Variants in RPL36AL observed in about 807,000 individuals in gnomAD.
RPL36AL encodes the protein ribosomal protein L36a like.
Under a neutral mutation model 7.9 loss-of-function variants are expected in RPL36AL, and 8 were observed. The observed-to-expected ratio is 1.02, with a 90% CI of 0.60 to 1.84. The LOEUF (loss-of-function observed/expected upper bound fraction) is 1.84, where lower values mean the gene tolerates loss of function less well. Among genes scored for constraint, RPL36AL ranks in the 40% most tolerant of loss-of-function variants. RPL36AL has a pLI of 0.00. For synonymous variants in RPL36AL, 44 were observed against 44.8 expected (o/e 0.98, Z 0.07); for missense variants, 76 against 126.8 (o/e 0.60, Z 1.93).
chr14:49,619,198 TGC>T (rs1177900123), intron 1 of RPL36AL, 58 bp from the exon 2 acceptor site: 7 of 1,159,966 alleles, frequency 6.0e-6, no homozygotes, highest in Non-Finnish European at 8.6e-6. Flanking sequence ...AAAGTGAAAG[TGC>T]TATACAAGTA....
chr14:49,618,642 C>T lies in RPL36AL; in HGVS notation c.*142G>A, dbSNP rs1438512326. ...CTTGTTAGTAAAGTTTGAGGTGGGA[C>T]TACACTAAACATGGAATTCTATTTA... On this transcript the variant is annotated 3_prime_UTR_variant, in exon 2 of 2. Transcript: ENST00000298289. 9.3e-6 allele frequency: 6 copies of T among 648,456 alleles called. No individual in the cohort carries two copies. In the African/African-American group the frequency reaches 1.1e-4, roughly 12 times the overall value. The allele number at this position is 648,456 out of a possible 1,614,324, so 40.2% of individuals were successfully genotyped here.
At position 49,618,566 on chromosome 14, in the gene RPL36AL, C is replaced by T. The variant is rs1238029524; in HGVS notation, c.*218G>A. The T allele has an allele frequency of 1.9e-6, 1 of 537,522 alleles. No individual in the cohort carries two copies. The highest frequency in any genetic ancestry group is 3.3e-6 in the Non-Finnish European group (1 of 304,046). The allele number at this position is 537,522 out of a possible 1,614,324, so 33.3% of individuals were successfully genotyped here. A position where few individuals can be genotyped will look rare whatever the true frequency, so the allele number is the denominator to read the frequency against. On this transcript the variant is annotated 3_prime_UTR_variant, in exon 2 of 2. Coordinates refer to ENST00000298289, the MANE Select transcript of RPL36AL (RefSeq NM_001001.5). ...GAATTCATTCAACATTTGAAATTGA[C>T]CAGAAAACAAAAAGTAGTAAAGTAG...
At position 49,618,785 on chromosome 14, in the gene RPL36AL, T is replaced by C; in HGVS notation, c.320A>G (p.Ter107=). The C allele has an allele frequency of 6.2e-7, 1 of 1,609,798 alleles. No homozygotes were observed. The highest frequency in any genetic ancestry group is 8.5e-7 in the Non-Finnish European group (1 of 1,178,550). ...KKRKGQVIQF[*] The stretch of plus-strand genomic sequence containing the variant: ...AATTGAAGAAAAATATCCCAAAGTT[T>C]AGAACTGGATCACTTGGCCCTTTCT... The change falls in exon 2 of 2, where the codon TAA becomes TGA. Residue 107 remains the stop codon, a stop_retained_variant. Coordinates refer to ENST00000298289, the MANE Select transcript of RPL36AL (RefSeq NM_001001.5).
chr14:49,620,167 C>T (rs1055603184), intron 1 of RPL36AL, among the ~76,000 whole-genome samples: 6 of 152,170 alleles, frequency 3.9e-5, no homozygotes, highest in African/African-American at 1.4e-4. Flanking sequence ...AGTTAAGGAC[C>T]AGAGTTTCTT....
chr14:49,619,370 G>A (rs932481267), intron 1 of RPL36AL, among the ~76,000 whole-genome samples: 1 of 152,154 alleles, frequency 6.6e-6, no homozygotes, highest in Admixed American at 6.5e-5. Flanking sequence ...AGGCAAGGCC[G>A]AGCACGGTGG....
chr14:49,618,548 T>C lies in RPL36AL; in HGVS notation c.*236A>G, dbSNP rs748085063. 2 of 512,538 alleles carry C rather than the reference T, an allele frequency of 3.9e-6. No homozygotes were observed. The highest frequency in any genetic ancestry group is 1.9e-5 in the African/African-American group (1 of 51,852). The allele number at this position is 512,538 out of a possible 1,614,324, so 31.7% of individuals were successfully genotyped here. On this transcript the variant is annotated 3_prime_UTR_variant, in exon 2 of 2. Coordinates refer to ENST00000298289, the MANE Select transcript of RPL36AL (RefSeq NM_001001.5). Reference sequence around the variant, plus strand: ...AAGCTGCTCAATGTTTATGAATTCATTCAACATTTGAAATTGACCAGAAAA... The same window carrying C: ...AAGCTGCTCAATGTTTATGAATTCACTCAACATTTGAAATTGACCAGAAAA...
chr14:49,619,942 GCTGT>G lies in RPL36AL; in HGVS notation c.-37+616_-37+619del, dbSNP rs887572229. 4.6e-5 allele frequency among the ~76,000 whole-genome samples: 7 copies of G among 152,212 alleles called. No individual in the cohort carries two copies. The South Asian group carries it at 8.3e-4, about 18-fold the overall frequency. On this transcript the variant is annotated intron_variant, in intron 1 of 1. Coordinates refer to ENST00000298289, the MANE Select transcript of RPL36AL (RefSeq NM_001001.5). ...GGGGAGGTGTCTGAAGTCCCATACT[GCTGT>G]CTCTCTGGGCCCGGCAAATTTTGCA...
At chr14:49,619,507 C>T (rs142087494) in intron 1 of RPL36AL, among the ~76,000 whole-genome samples, 1 of 140,466 alleles carries the variant, frequency 7.1e-6, no homozygotes, top group Non-Finnish European at 1.5e-5. Context: ...ATTAGCCTGG[C>T]GTGGTGGTGG....
intron 1 of RPL36AL, 42 bp downstream of exon 1, chr14:49,620,520 G>A (rs1882803687): frequency 6.2e-6 from 1 of 160,148 alleles, no homozygotes; most frequent in Non-Finnish European, 1.4e-5. Context: ...CTGAGCAAGG[G>A]AGGCTCCTAT....
At chr14:49,619,601 G>C (rs1329337724) in intron 1 of RPL36AL, among the ~76,000 whole-genome samples, 1 of 151,818 alleles carries the variant, frequency 6.6e-6, no homozygotes, top group Non-Finnish European at 1.5e-5. Flanking sequence ...TTGCACTCCA[G>C]CCTGGGCAAC....
intron 1 of RPL36AL, 51 bp from the exon 2 acceptor site, chr14:49,619,191 G>C: frequency 8.1e-7 from 1 of 1,227,154 alleles, no homozygotes; most frequent in South Asian, 1.5e-5. Flanking sequence ...ATTCCGAAAA[G>C]TGAAAGTGCT....
intron 1 of RPL36AL, among the ~76,000 whole-genome samples, chr14:49,619,345 C>T (rs566722728): frequency 6.6e-6 from 1 of 152,312 alleles, no homozygotes; most frequent in African/African-American, 2.4e-5. Flanking sequence ...ACTAATTTGT[C>T]GACCTAAAGA....
rs1882736119 is a variant in RPL36AL at position 49,618,638 on chromosome 14, G to A, written c.*146C>T. 1.3e-5 allele frequency: 8 copies of A among 630,742 alleles called. No homozygotes were observed. The highest frequency in any genetic ancestry group is 2.0e-5 in the South Asian group (1 of 49,998). The allele number at this position is 630,742 out of a possible 1,614,324, so 39.1% of individuals were successfully genotyped here. Reference sequence around the variant, plus strand: ...TAAACTTGTTAGTAAAGTTTGAGGTGGGACTACACTAAACATGGAATTCTA... The same window carrying A: ...TAAACTTGTTAGTAAAGTTTGAGGTAGGACTACACTAAACATGGAATTCTA... On this transcript the variant is annotated 3_prime_UTR_variant, in exon 2 of 2. Transcript: ENST00000298289.
chr14:49,618,739 G>GT lies in RPL36AL; in HGVS notation c.*44_*45insA. The GT allele has an allele frequency of 6.7e-7, 1 of 1,501,826 alleles. No homozygotes were observed. The highest frequency in any genetic ancestry group is 1.2e-5 in the South Asian group (1 of 83,034). 93.0% of individuals were successfully genotyped at this position (1,501,826 alleles called of 1,614,324 possible). On this transcript the variant is annotated 3_prime_UTR_variant, in exon 2 of 2. Transcript: ENST00000298289. The stretch of plus-strand genomic sequence containing the variant: ...TTTTCCCTCGGGTAACTTTTCTATG[G>GT]CTTCACCATTTTCTCTTCAAAATTG...
chr14:49,620,223 G>A (rs1352914531), intron 1 of RPL36AL, among the ~76,000 whole-genome samples: 1 of 151,744 alleles, frequency 6.6e-6, no homozygotes, highest in Non-Finnish European at 1.5e-5. Context: ...CAGCTCTAGA[G>A]AATGGCTGGG....
Position 49,618,851 on chromosome 14 carries a change from A to G in RPL36AL, c.254T>C (p.Ile85Thr), listed in dbSNP as rs1417184597. The change falls in exon 2 of 2, where the codon ATT becomes ACT. Residue 85 changes from isoleucine to threonine, a missense_variant. By Grantham distance (89) the Ile-to-Thr change is moderately conservative (BLOSUM62 -1). Coordinates refer to ENST00000298289, the MANE Select transcript of RPL36AL (RefSeq NM_001001.5). ...CAGTTCAAAATGCTTGCATCTCTTAATGGCCAGCATCCTCTTGGATCTGCA... is the reference window on the plus strand; with the variant it reads ...CAGTTCAAAATGCTTGCATCTCTTAGTGGCCAGCATCCTCTTGGATCTGCA... ...PNCRSKRMLA[I>T]KRCKHFELGG... 1.2e-6 allele frequency: 2 copies of G among 1,612,212 alleles called. No homozygotes were observed. Among genetic ancestry groups the G allele is most frequent in the Admixed American group, 1.7e-5 (1 of 59,990 alleles).
At chr14:49,619,694 G>A (rs1325897314) in intron 1 of RPL36AL, among the ~76,000 whole-genome samples, 2 of 152,144 alleles carry the variant, frequency 1.3e-5, no homozygotes, top group African/African-American at 2.4e-5. Flanking sequence ...GCAAGTTTGA[G>A]GATTGCAACC....
At position 49,618,530 on chromosome 14, in the gene RPL36AL, T is replaced by C. The variant is rs1882733534; in HGVS notation, c.*254A>G. The C allele has an allele frequency of 2.1e-6, 1 of 472,308 alleles. No individual in the cohort carries two copies. Among genetic ancestry groups the C allele is most frequent in the African/African-American group, 2.0e-5 (1 of 50,944 alleles). 29.3% of individuals were successfully genotyped at this position (472,308 alleles called of 1,614,324 possible). On this transcript the variant is annotated 3_prime_UTR_variant, in exon 2 of 2. Transcript: ENST00000298289. ...AATCTTAAAGATCCTTCTAAGCTGC[T>C]CAATGTTTATGAATTCATTCAACAT... is the stretch of plus-strand genomic sequence containing the variant.
Position 49,620,618 on chromosome 14 carries a change from C to T in RPL36AL, c.-93G>A, listed in dbSNP as rs774738561. 64 of 250,848 alleles carry T rather than the reference C, an allele frequency of 2.6e-4. No homozygotes were observed. The Middle Eastern group carries it at 4.0e-3, about 16-fold the overall frequency. The allele number at this position is 250,848 out of a possible 1,614,324, so 15.5% of individuals were successfully genotyped here. ...CAGCTCTCGCCTTTCGCAGCTCTCG[C>T]CTAACAGGAAAGGGAAGAAACAGGC... On this transcript the variant is annotated 5_prime_UTR_variant, in exon 1 of 2. Transcript: ENST00000298289.
Sources: allele counts gnomAD v4.1 joint callset (sites outside exome capture counted in the v4.1 genomes callset), GRCh38; gene constraint gnomAD v4.1.1; transcripts MANE v1.5; gene names NCBI Gene and HGNC (gene_info 2026-07-23, HGNC 2026-07-21).